Variants in MAF observed in about 807,000 individuals in gnomAD.
MAF encodes the protein transcription factor Maf.
A neutral mutation model predicts 22.0 loss-of-function variants in MAF; 10 were observed. The ratio of observed to expected loss-of-function variants is 0.45; its 90% CI spans 0.28 to 0.77. The LOEUF is 0.77. MAF is among the 30% of genes least tolerant of loss of function. The probability of loss-of-function intolerance (pLI) is 0.12; values close to 1 mark genes in which losing one functional copy is unlikely to be tolerated. For missense variants in MAF, 544 were observed against 548.4 expected, an observed-to-expected ratio of 0.99 and a Z score of 0.08; for synonymous variants, 337 against 255.8, an observed-to-expected ratio of 1.32 and a Z score of -3.03.
chr16:79,232,004 G>C, the MAF span, among the ~76,000 whole-genome samples: 1 of 151,916 alleles, frequency 6.6e-6, no homozygotes. Flanking sequence ...GTTTACAATA[G>C]GGTTTGCCCT....
the MAF span, among the ~76,000 whole-genome samples, chr16:79,400,338 G>A: frequency 6.6e-6 from 1 of 152,270 alleles, no homozygotes; most frequent in African/African-American, 2.4e-5. Flanking sequence ...TGTGCCAGTT[G>A]GGTGGCCTTG....
the MAF span, among the ~76,000 whole-genome samples, chr16:79,290,354 A>G: frequency 6.6e-6 from 1 of 152,212 alleles, no homozygotes; most frequent in African/African-American, 2.4e-5. Flanking sequence ...GCGGCAAATT[A>G]TCTTTCCCCA....
At chr16:79,536,603 T>C in the MAF span, among the ~76,000 whole-genome samples, 112,749 of 152,078 alleles carry the variant, frequency 0.74, 43,945 homozygotes, top group Non-Finnish European at 0.86. Context: ...GATCACACCA[T>C]TGCACTCCAG....
chr16:79,388,863 A>G, the MAF span, among the ~76,000 whole-genome samples: 3 of 152,140 alleles, frequency 2.0e-5, no homozygotes, highest in African/African-American at 7.2e-5. Flanking sequence ...GCTCAACAGT[A>G]CCCAACTAAG....
At chr16:79,592,734 C>T (rs1250989408), downstream of MAF, among the ~76,000 whole-genome samples, 4 of 152,134 alleles carry the variant, frequency 2.6e-5, no homozygotes, top group African/African-American at 7.2e-5. Context: ...AAATAATCAG[C>T]GGAGATAAAA....
chr16:79,530,188 A>C, the MAF span, among the ~76,000 whole-genome samples: 3 of 152,284 alleles, frequency 2.0e-5, no homozygotes, highest in East Asian at 5.8e-4. Flanking sequence ...GGTCCTGTTT[A>C]TCTTTACATT....
At chr16:79,423,794 C>T in the MAF span, among the ~76,000 whole-genome samples, 2 of 152,156 alleles carry the variant, frequency 1.3e-5, no homozygotes, top group African/African-American at 4.8e-5. Context: ...AATTTCCCAA[C>T]CTACTTTTTA....
At chr16:79,579,902 T>A in the MAF span, among the ~76,000 whole-genome samples, 2 of 152,132 alleles carry the variant, frequency 1.3e-5, no homozygotes, top group Non-Finnish European at 2.9e-5. Context: ...GAAAGAAACA[T>A]CTTGCAGGAA....
chr16:79,517,302 A>G, the MAF span, among the ~76,000 whole-genome samples: 2 of 152,220 alleles, frequency 1.3e-5, no homozygotes, highest in African/African-American at 4.8e-5. Flanking sequence ...AAACATGTGG[A>G]GACAAACGAT....
the MAF span, among the ~76,000 whole-genome samples, chr16:79,462,375 G>T: frequency 1.8e-4 from 27 of 152,260 alleles, no homozygotes; most frequent in Non-Finnish European, 2.9e-4. Context: ...TTGAACACTA[G>T]GTCCAATCTG....
the MAF span, among the ~76,000 whole-genome samples, chr16:79,418,607 G>A: frequency 1.3e-5 from 2 of 152,144 alleles, no homozygotes; most frequent in Non-Finnish European, 2.9e-5. Context: ...CTCACTCTAG[G>A]TATGGAAAGC....
chr16:79,288,457 A>C, the MAF span, among the ~76,000 whole-genome samples: 1 of 152,310 alleles, frequency 6.6e-6, no homozygotes, highest in East Asian at 1.9e-4. Context: ...CTGCCTATTC[A>C]GCCCCCAGCC....
chr16:79,230,268 C>A, the MAF span, among the ~76,000 whole-genome samples: 1 of 152,080 alleles, frequency 6.6e-6, no homozygotes, highest in East Asian at 1.9e-4. Context: ...GGGTTCTGAC[C>A]TTTCACCCGG....
the MAF span, among the ~76,000 whole-genome samples, chr16:79,310,614 G>T: frequency 2.6e-4 from 40 of 152,144 alleles, no homozygotes; most frequent in African/African-American, 9.4e-4. Flanking sequence ...ATCCGCCTCC[G>T]CGACATTTTG....
chr16:79,307,588 C>A, the MAF span, among the ~76,000 whole-genome samples: 4 of 152,112 alleles, frequency 2.6e-5, no homozygotes, highest in Non-Finnish European at 5.9e-5. Context: ...TTCACTGCTA[C>A]CCTTTACTAT....
chr16:79,419,138 G>T, the MAF span, among the ~76,000 whole-genome samples: 1 of 152,162 alleles, frequency 6.6e-6, no homozygotes, highest in South Asian at 2.1e-4. Context: ...GGACATTTCT[G>T]CCAGGGTGAA....
the MAF span, among the ~76,000 whole-genome samples, chr16:79,323,909 G>A: frequency 3.3e-5 from 5 of 152,192 alleles, no homozygotes; most frequent in African/African-American, 9.7e-5. Flanking sequence ...CTACGGCGGG[G>A]TCAGAGAGAG....
At chr16:79,408,088 A>AAAAAC in the MAF span, among the ~76,000 whole-genome samples, 3 of 149,268 alleles carry the variant, frequency 2.0e-5, no homozygotes, top group Admixed American at 1.3e-4. Context: ...CAAAAAAAAA[A>AAAAAC]AAAAAAAAAA....
chr16:79,297,024 G>A, the MAF span, among the ~76,000 whole-genome samples: 19 of 152,306 alleles, frequency 1.2e-4, no homozygotes, highest in African/African-American at 4.6e-4. Context: ...TTGCTGCTCT[G>A]TGGCGACATC....
Sources: allele counts gnomAD v4.1 joint callset (sites outside exome capture counted in the v4.1 genomes callset), GRCh38; gene constraint gnomAD v4.1.1; transcripts MANE v1.5; gene names NCBI Gene and HGNC (gene_info 2026-07-23, HGNC 2026-07-21).